ANO2: variants seen among roughly 807,000 people sequenced by gnomAD.
The protein encoded by ANO2 is anoctamin-2.
In ANO2, 101 loss-of-function variants were observed where a neutral mutation model predicts 124.2. The ratio of observed to expected loss-of-function variants is 0.81; its 90% CI spans 0.69 to 0.96. ANO2 has a LOEUF of 0.96. ANO2 is among the 40% of genes least tolerant of loss of function. The probability of loss-of-function intolerance (pLI) is 0.00; values close to 1 mark genes in which losing one functional copy is unlikely to be tolerated. For synonymous variants in ANO2, 486 were observed against 482.5 expected (o/e 1.01, Z -0.09); for missense variants, 1,293 against 1,274.5 (o/e 1.01, Z -0.22).
intron 1 of ANO2, among the ~76,000 whole-genome samples, chr12:5,938,250 A>G (rs1294488954): frequency 6.6e-6 from 1 of 152,206 alleles, no homozygotes; most frequent in Non-Finnish European, 1.5e-5. Flanking sequence ...TTCTCAGTTC[A>G]GTGGGATCCT....
intron 20 of ANO2, among the ~76,000 whole-genome samples, chr12:5,593,656 G>A (rs1333342258): frequency 1.3e-5 from 2 of 152,146 alleles, no homozygotes; most frequent in African/African-American, 2.4e-5. Flanking sequence ...CAATAACAAC[G>A]GTGGCCAATG....
In ANO2 at chr12:5,562,863, T is replaced by C. The variant is rs575804290; in HGVS notation, c.*436A>G. The C allele has an allele frequency of 4.0e-4, 70 of 175,698 alleles. No individual in the cohort carries two copies. The highest frequency in any genetic ancestry group is 1.6e-3 in the African/African-American group (67 of 42,362). The allele number at this position is 175,698 out of a possible 1,614,324, so 10.9% of individuals were successfully genotyped here. A position where few individuals can be genotyped will look rare whatever the true frequency, so the allele number is the denominator to read the frequency against. The stretch of plus-strand genomic sequence containing the variant: ...TCTGCTGAGACTGTGGCAGCCCCAC[T>C]GCAAGTGACTCAGTTTTCTTGTAGT... On this transcript the variant is annotated 3_prime_UTR_variant, in exon 25 of 25. Coordinates refer to ENST00000682330, the MANE Select transcript of ANO2 (RefSeq NM_001364791.2).
intron 14 of ANO2, among the ~76,000 whole-genome samples, chr12:5,699,259 C>T (rs1420647517): frequency 6.6e-6 from 1 of 152,188 alleles, no homozygotes; most frequent in African/African-American, 2.4e-5. Context: ...AGAAACTCTA[C>T]AAGCCAGAAG....
chr12:5,604,740 T>TA (rs1203416522), intron 19 of ANO2, among the ~76,000 whole-genome samples: 2 of 151,646 alleles, frequency 1.3e-5, no homozygotes, highest in African/African-American at 2.4e-5. Flanking sequence ...CAGTGACCAT[T>TA]AAAAAAAATA....
chr12:5,712,828 C>T lies in ANO2; in HGVS notation c.1545+19692G>A, dbSNP rs147609592. 7.3e-3 allele frequency among the ~76,000 whole-genome samples: 1,107 copies of T among 152,264 alleles called. 8 individuals are homozygous for T. Among genetic ancestry groups the T allele is most frequent in the Non-Finnish European group, 0.014 (925 of 68,018 alleles). Reference sequence around the variant, plus strand: ...TTTTGCATGTGCACAGCCACCAACGCATGACACACCAAGAGACGCTCAGAG... The same window carrying T: ...TTTTGCATGTGCACAGCCACCAACGTATGACACACCAAGAGACGCTCAGAG... On this transcript the variant is annotated intron_variant, in intron 14 of 24. Coordinates refer to ENST00000682330, the MANE Select transcript of ANO2 (RefSeq NM_001364791.2).
At chr12:5,886,038 G>T (rs1938872510) in intron 3 of ANO2, among the ~76,000 whole-genome samples, 1 of 152,142 alleles carries the variant, frequency 6.6e-6, no homozygotes, top group Non-Finnish European at 1.5e-5. Flanking sequence ...ATAGAGTCCT[G>T]GCCTGGGACT....
intron 7 of ANO2, among the ~76,000 whole-genome samples, chr12:5,816,150 C>CT (rs35287420): frequency 0.42 from 61,061 of 145,896 alleles, 12,822 homozygotes; most frequent in East Asian, 0.47. Context: ...CTCTCTCTCT[C>CT]TTTTTTTTTT....
intron 3 of ANO2, among the ~76,000 whole-genome samples, chr12:5,873,300 G>C (rs537760776): frequency 7.5e-5 from 11 of 147,510 alleles, no homozygotes; most frequent in Non-Finnish European, 1.2e-4. Context: ...CCAGGCTCTT[G>C]AACTCTGGCC....
chr12:5,579,715 T>G (rs1942630969), intron 20 of ANO2, among the ~76,000 whole-genome samples: 1 of 152,216 alleles, frequency 6.6e-6, no homozygotes, highest in South Asian at 2.1e-4. Context: ...ATACAGGTGC[T>G]TTATAATCTG....
At chr12:5,820,705 C>A (rs1223450684) in intron 7 of ANO2, among the ~76,000 whole-genome samples, 1 of 152,206 alleles carries the variant, frequency 6.6e-6, no homozygotes, top group Non-Finnish European at 1.5e-5. Flanking sequence ...CTGAAAGACA[C>A]AGGGGTGGTG....
chr12:5,795,729 G>T (rs1952825238), intron 10 of ANO2, among the ~76,000 whole-genome samples: 1 of 152,154 alleles, frequency 6.6e-6, no homozygotes, highest in South Asian at 2.1e-4. Context: ...AAGAAAATCA[G>T]CCTGGGAGCA....
chr12:5,676,601 AT>A (rs369511243), intron 14 of ANO2, among the ~76,000 whole-genome samples: 49 of 151,490 alleles, frequency 3.2e-4, no homozygotes, highest in African/African-American at 7.7e-4. Flanking sequence ...GTGAGTTTCC[AT>A]TTTTTTTTCC....
chr12:5,807,390 A>G, intron 7 of ANO2, 22 bp from the exon 8 acceptor site: 1 of 1,548,762 alleles, frequency 6.5e-7, no homozygotes, highest in Non-Finnish European at 8.7e-7. Context: ...AGGGAGATGA[A>G]AATAGTAACT....
chr12:5,838,461 G>A (rs536008605), intron 4 of ANO2, among the ~76,000 whole-genome samples: 1 of 152,134 alleles, frequency 6.6e-6, no homozygotes, highest in Non-Finnish European at 1.5e-5. Flanking sequence ...TCGGGGGATG[G>A]AGCAGGTTCA....
intron 4 of ANO2, among the ~76,000 whole-genome samples, chr12:5,845,605 A>G (rs1270184901): frequency 6.6e-6 from 1 of 151,504 alleles, no homozygotes; most frequent in East Asian, 1.9e-4. Context: ...AAGAACAAAG[A>G]CTTTCATTCT....
intron 10 of ANO2, among the ~76,000 whole-genome samples, chr12:5,781,152 A>G: frequency 6.6e-6 from 1 of 152,226 alleles, no homozygotes; most frequent in East Asian, 1.9e-4. Flanking sequence ...ATCACTATCA[A>G]TGACCAGAAC....
At chr12:5,690,914 T>C (rs372846076) in intron 14 of ANO2, among the ~76,000 whole-genome samples, 4 of 152,200 alleles carry the variant, frequency 2.6e-5, no homozygotes, top group African/African-American at 9.7e-5. Flanking sequence ...CAGGCATTTA[T>C]TGAACACCTA....
At chr12:5,602,183 G>GA (rs1480429814) in intron 19 of ANO2, among the ~76,000 whole-genome samples, 3 of 150,742 alleles carry the variant, frequency 2.0e-5, no homozygotes, top group African/African-American at 7.3e-5. Flanking sequence ...CTATCTCTCG[G>GA]AAAAAAAGTA....
At chr12:5,627,147 A>G (rs2136926164) in intron 16 of ANO2, among the ~76,000 whole-genome samples, 1 of 152,270 alleles carries the variant, frequency 6.6e-6, no homozygotes, top group East Asian at 1.9e-4. Flanking sequence ...CCGTACTCAC[A>G]TCGTTTTATT....
Sources: allele counts gnomAD v4.1 joint callset (sites outside exome capture counted in the v4.1 genomes callset), GRCh38; gene constraint gnomAD v4.1.1; transcripts MANE v1.5; gene names NCBI Gene and HGNC (gene_info 2026-07-23, HGNC 2026-07-21).